MST1R: variants seen among roughly 807,000 people sequenced by gnomAD.
MST1R encodes the protein macrophage-stimulating protein receptor.
A neutral mutation model predicts 117.8 loss-of-function variants in MST1R; 99 were observed. The observed-to-expected ratio is 0.84, with a 90% CI of 0.71 to 0.99. MST1R has a LOEUF of 0.99. Among genes scored for constraint, MST1R ranks in the 50% least tolerant of loss-of-function variants. MST1R has a pLI of 0.00. For synonymous variants in MST1R, 734 were observed against 765.3 expected (o/e 0.96, Z 0.68); for missense variants, 1,683 against 1,840.2 (o/e 0.91, Z 1.56).
intron 19 of MST1R, among the ~76,000 whole-genome samples, chr3:49,888,947 T>C (rs1232856742): frequency 6.6e-6 from 1 of 152,240 alleles, no homozygotes; most frequent in Admixed American, 6.5e-5. Context: ...GGTTCTTGAC[T>C]GAGGCTCTCT....
At chr3:49,898,301 G>T in intron 4 of MST1R, 90 bp from the exon 5 acceptor site, 2 of 1,544,856 alleles carry the variant, frequency 1.3e-6, no homozygotes, top group Non-Finnish European at 8.9e-7. Context: ...CATACCCCTT[G>T]CCTTCCCCAC....
chr3:49,897,397 AC>A lies in MST1R; in HGVS notation c.2065del (p.Val689CysfsTer23). On this transcript the variant is annotated frameshift_variant, in exon 7 of 20. Transcript: ENST00000296474. LOFTEE classifies it high-confidence loss of function. ...TGCCCGTGGGCCAAAGAGGGGTTGC[AC>A]TGCTATCAGCACTGGCTCCTAAGAG... ...FSFMEPVLIA[V>X]QPLFGPRAGG... 1 of 1,613,682 alleles carries A rather than the reference AC, an allele frequency of 6.2e-7. No homozygotes were observed. Among genetic ancestry groups the A allele is most frequent in the East Asian group, 2.2e-5 (1 of 44,888 alleles).
At chr3:49,897,843 C>A in intron 5 of MST1R, 158 bp from the exon 6 acceptor site, 2 of 1,190,238 alleles carry the variant, frequency 1.7e-6, no homozygotes, top group Non-Finnish European at 1.2e-6. Context: ...AGAGATTAAC[C>A]TTGGCTGGTC....
At position 49,895,281 on chromosome 3, in the gene MST1R, G is replaced by A. The variant is rs748943477; in HGVS notation, c.3157C>T (p.Arg1053Trp). The change falls in exon 14 of 20, where the codon CGG becomes TGG. Residue 1053 changes from arginine to tryptophan, a missense_variant. By Grantham distance (101) the Arg-to-Trp change is moderately radical. Transcript: ENST00000296474. ...TCCCTTAGCTGGATGGACTCTTTCC[G>A]CAGCAGTGGCACACAGGATTCATCT... is the stretch of plus-strand genomic sequence containing the variant. Reference protein sequence around the residue: ...SEDESCVPLLRKESIQLRDLD... With the variant: ...SEDESCVPLLWKESIQLRDLD... 2.1e-4 allele frequency: 344 copies of A among 1,614,090 alleles called. 1 individual carries two copies. The highest frequency in any genetic ancestry group is 2.7e-4 in the Non-Finnish European group (317 of 1,180,046).
In MST1R at chr3:49,897,281, G is replaced by A. The variant is rs201008581; in HGVS notation, c.2182C>T (p.Arg728Trp). ...LVNGTECLLA[R>W]VSEGQLLCAT... ...CCATGCCTGCCTGGTGGTACTTACC[G>A]TGCTAGCAGACACTCAGTCCCATTG... Residue 728 changes from arginine (R) to tryptophan (W), a missense_variant and splice_region_variant, in exon 7 of 20, where the codon CGG becomes TGG. Transcript: ENST00000296474. 64 of 1,604,062 alleles carry A rather than the reference G, an allele frequency of 4.0e-5. No homozygotes were observed. Among genetic ancestry groups the A allele is most frequent in the Non-Finnish European group, 4.6e-5 (54 of 1,174,726 alleles).
Position 49,898,850 on chromosome 3 carries a change from G to T in MST1R, c.1548+17C>A. ...TCCCACAACCCTGGCCCCAGGCCCTGCCCCTGCCCACCTCACCTGGTCCCC... is the reference window on the plus strand; with the variant it reads ...TCCCACAACCCTGGCCCCAGGCCCTTCCCCTGCCCACCTCACCTGGTCCCC... On this transcript the variant is annotated intron_variant, in intron 3 of 19. Transcript: ENST00000296474. The T allele has an allele frequency of 6.2e-7, 1 of 1,613,858 alleles. No individual in the cohort carries two copies. Among genetic ancestry groups the T allele is most frequent in the Non-Finnish European group, 8.5e-7 (1 of 1,179,954 alleles).
At position 49,891,321 on chromosome 3, in the gene MST1R, G is replaced by A. The variant is rs753840803; in HGVS notation, c.3535-15C>T. On this transcript the variant is annotated splice_polypyrimidine_tract_variant and intron_variant, in intron 16 of 19. Coordinates refer to ENST00000296474, the MANE Select transcript of MST1R (RefSeq NM_002447.4). The stretch of plus-strand genomic sequence containing the variant: ...ACGGTGGGGTTCTGGGGGCACAGGT[G>A]GGTTGGTGGGCAAGGGCACAGCAGC... 4.3e-6 allele frequency: 7 copies of A among 1,613,924 alleles called. No homozygotes were observed. The Admixed American group carries it at 5.0e-5, about 12-fold the overall frequency.
Position 49,896,340 on chromosome 3 carries a change from T to TG in MST1R, c.2503dup (p.Gln835ProfsTer42). On this transcript the variant is annotated frameshift_variant, in exon 10 of 20. Coordinates refer to ENST00000296474, the MANE Select transcript of MST1R (RefSeq NM_002447.4). LOFTEE classifies it high-confidence loss of function. ...ACTCAGATTCCCTGCCACCCATCCC[T>TG]GGGGGTCTCGGACCACATATTCAGG... The TG allele has an allele frequency of 6.2e-7, 1 of 1,614,062 alleles. No homozygotes were observed. Among genetic ancestry groups the TG allele is most frequent in the South Asian group, 1.1e-5 (1 of 91,084 alleles).
intron 14 of MST1R, among the ~76,000 whole-genome samples, chr3:49,893,800 G>A (rs1334914957): frequency 6.6e-6 from 1 of 151,172 alleles, no homozygotes; most frequent in Admixed American, 6.6e-5. Context: ...TTGGGAGGCT[G>A]AGGCAGGAGA....
intron 1 of MST1R, among the ~76,000 whole-genome samples, chr3:49,901,355 G>C (rs1218135680): frequency 2.0e-5 from 3 of 152,158 alleles, no homozygotes; most frequent in Non-Finnish European, 4.4e-5. Flanking sequence ...GTAGCTGTGG[G>C]TCCCATTCCT....
At chr3:49,898,306 C>A in intron 4 of MST1R, 95 bp from the exon 5 acceptor site, 1 of 1,525,204 alleles carries the variant, frequency 6.6e-7, no homozygotes, top group Non-Finnish European at 9.0e-7. Flanking sequence ...CCCTTGCCTT[C>A]CCCACGCTCC....
In MST1R at chr3:49,903,424, C is replaced by T. The variant is rs994981674; in HGVS notation, c.186G>A (p.Glu62=). Residue 62 remains glutamate, a synonymous_variant, in exon 1 of 20, where the codon GAG becomes GAA. Coordinates refer to ENST00000296474, the MANE Select transcript of MST1R (RefSeq NM_002447.4). ...GGLVQAMVTY[E]GDRNESAVFV... ...ACACAGCACTCTCATTTCTGTCGCC[C>T]TCGTAGGTCACCATGGCCTGTACCA... 3.1e-6 allele frequency: 5 copies of T among 1,613,792 alleles called. No homozygotes were observed. The highest frequency in any genetic ancestry group is 4.2e-6 in the Non-Finnish European group (5 of 1,180,022).
intron 14 of MST1R, among the ~76,000 whole-genome samples, chr3:49,893,115 C>A (rs1337035078): frequency 2.0e-5 from 3 of 150,020 alleles, no homozygotes; most frequent in Non-Finnish European, 4.4e-5. Context: ...TCCATTTCTA[C>A]TAAAAATACA....
chr3:49,900,030 C>T (rs757325021), intron 1 of MST1R, among the ~76,000 whole-genome samples: 20 of 152,212 alleles, frequency 1.3e-4, no homozygotes, highest in Non-Finnish European at 2.8e-4. Flanking sequence ...TCTGTGTGCA[C>T]TTCAGCAAAC....
At position 49,890,120 on chromosome 3, in the gene MST1R, C is replaced by T. The variant is rs1006961888; in HGVS notation, c.3811-60G>A. 1.1e-5 allele frequency: 17 copies of T among 1,533,650 alleles called. No individual in the cohort carries two copies. The African/African-American group carries it at 2.1e-4, about 19-fold the overall frequency. ...CCCCAAATTTGGGGGCAGGTGGGTC[C>T]CCCAGGGCTTCTACCTCCCAGAGTC... is the stretch of plus-strand genomic sequence containing the variant. On this transcript the variant is annotated intron_variant, in intron 18 of 19. Transcript: ENST00000296474.
In MST1R at chr3:49,898,948, G is replaced by A. The variant is rs1197908760; in HGVS notation, c.1467C>T (p.Phe489=). Residue 489 remains phenylalanine (F), a synonymous_variant, in exon 3 of 20, where the codon TTC becomes TTT. Coordinates refer to ENST00000296474, the MANE Select transcript of MST1R (RefSeq NM_002447.4). ...SLNYLLYVSN[F]SLGDSGQPVQ... is the part of the protein sequence containing the mutation. ...CGGGCTGCCCACTGTCACCCAGTGA[G>A]AAGTTGGACACATACAGCAAGTAGT... 1.2e-6 allele frequency: 2 copies of A among 1,614,220 alleles called. No individual in the cohort carries two copies. The highest frequency in any genetic ancestry group is 1.7e-6 in the Non-Finnish European group (2 of 1,180,050).
Position 49,899,141 on chromosome 3 carries a change from C to G in MST1R, c.1353G>C (p.Leu451Phe). The part of the protein sequence containing the change: ...GLLGPVQVTA[L>F]YVTRLDNVTV... ...TGACGTTGTCAAGGCGTGTCACATA[C>G]AATGCAGTGACCTGTACTGGTCCCA... The change falls in exon 2 of 20, where the codon TTG becomes TTC. Residue 451 changes from leucine (L) to phenylalanine (F), a missense_variant. By Grantham distance (22) the Leu-to-Phe change is conservative. Transcript: ENST00000296474. 1 of 1,614,170 alleles carries G rather than the reference C, an allele frequency of 6.2e-7. No individual in the cohort carries two copies.
In MST1R at chr3:49,902,507, G is replaced by A. The variant is rs2108501772; in HGVS notation, c.1103C>T (p.Ala368Val). The change falls in exon 1 of 20, where the codon GCC (alanine) becomes GTC (valine). Residue 368 changes from alanine (A) to valine (V), a missense_variant. By Grantham distance (64) the Ala-to-Val change is moderately conservative. Coordinates refer to ENST00000296474, the MANE Select transcript of MST1R (RefSeq NM_002447.4). ...TGTGTCCAGCAGGTCAATGGGGAAGGCACAGACGACAGAGTTGGGGCCCAC... is the reference window on the plus strand; with the variant it reads ...TGTGTCCAGCAGGTCAATGGGGAAGACACAGACGACAGAGTTGGGGCCCAC... Reference protein sequence around the residue: ...PGVGPNSVVCAFPIDLLDTLI... With the variant: ...PGVGPNSVVCVFPIDLLDTLI... 6.2e-7 allele frequency: 1 copy of A among 1,614,140 alleles called. No homozygotes were observed. Among genetic ancestry groups the A allele is most frequent in the Non-Finnish European group, 8.5e-7 (1 of 1,180,050 alleles).
At position 49,903,858 on chromosome 3, in the gene MST1R, G is replaced by C. The variant is rs2082776229; in HGVS notation, c.-249C>G. The C allele has an allele frequency of 1.9e-6, 1 of 534,604 alleles. No homozygotes were observed. The allele number at this position is 534,604 out of a possible 1,614,324, so 33.1% of individuals were successfully genotyped here. On this transcript the variant is annotated 5_prime_UTR_variant, in exon 1 of 20. Transcript: ENST00000296474. ...CCCAGCCGCCTCACCTGCCGCCCCA[G>C]CCGCCGCTGTACACTGGCGCTTAGC...
Sources: gnomAD v4.1 joint callset for allele counts (sites outside exome capture counted in the v4.1 genomes callset) on GRCh38, gnomAD v4.1.1 for gene constraint, MANE v1.5 for transcripts, NCBI Gene and HGNC (gene_info 2026-07-23, HGNC 2026-07-21) for gene names.